The following CEP128 variants were observed in gnomAD, a reference collection of about 807,000 sequenced individuals.
CEP128 encodes centrosomal protein 128.
A neutral mutation model predicts 156.7 loss-of-function variants in CEP128; 132 were observed. That is an observed-to-expected ratio of 0.84 (90% CI 0.73 to 0.97). CEP128 has a LOEUF of 0.97. Ranked by LOEUF, CEP128 falls within the 50% of genes least tolerant of loss-of-function variation. The pLI, the probability that CEP128 is intolerant of heterozygous loss-of-function variation, is 0.00. For missense variants in CEP128, 1,252 were observed against 1,281.9 expected (o/e 0.98, Z 0.36); for synonymous variants, 469 against 448.9 (o/e 1.04, Z -0.57).
At chr14:80,509,364 C>CA (rs1217210127) in intron 23 of CEP128, among the ~76,000 whole-genome samples, 1 of 152,184 alleles carries the variant, frequency 6.6e-6, no homozygotes, top group Non-Finnish European at 1.5e-5. Flanking sequence ...GATGATATCT[C>CA]AGAGTTGTGA....
chr14:80,691,076 C>T (rs1231811020), intron 19 of CEP128, among the ~76,000 whole-genome samples: 1 of 152,150 alleles, frequency 6.6e-6, no homozygotes, highest in East Asian at 1.9e-4. Context: ...TTAGCACATG[C>T]ATTGTAACCT....
At chr14:80,692,644 C>T (rs1174908867) in intron 19 of CEP128, among the ~76,000 whole-genome samples, 1 of 152,132 alleles carries the variant, frequency 6.6e-6, no homozygotes, top group Non-Finnish European at 1.5e-5. Context: ...CAGCCAACAA[C>T]AAATTTTATT....
intron 19 of CEP128, among the ~76,000 whole-genome samples, chr14:80,616,720 A>C (rs1213533109): frequency 6.6e-6 from 1 of 152,182 alleles, no homozygotes; most frequent in Non-Finnish European, 1.5e-5. Flanking sequence ...TACTATACGG[A>C]GTCTCAATCC....
chr14:80,700,370 C>T (rs957498629), intron 19 of CEP128, among the ~76,000 whole-genome samples: 7 of 151,990 alleles, frequency 4.6e-5, no homozygotes, highest in Admixed American at 1.3e-4. Flanking sequence ...GAAAGACTCA[C>T]GGTTCCTGCA....
intron 13 of CEP128, among the ~76,000 whole-genome samples, chr14:80,806,484 G>C (rs561137352): frequency 2.0e-5 from 3 of 152,092 alleles, no homozygotes; most frequent in Admixed American, 6.5e-5. Flanking sequence ...TCTGACCCTG[G>C]AACACATATC....
chr14:80,599,435 G>A (rs1892489292), intron 19 of CEP128, among the ~76,000 whole-genome samples: 1 of 151,710 alleles, frequency 6.6e-6, no homozygotes, highest in Non-Finnish European at 1.5e-5. Flanking sequence ...ACCACGCCCG[G>A]CTAATTTTTT....
chr14:80,533,647 T>A (rs1047332944), intron 21 of CEP128, among the ~76,000 whole-genome samples: 1 of 151,696 alleles, frequency 6.6e-6, no homozygotes, highest in African/African-American at 2.4e-5. Flanking sequence ...AGTGCAGTTA[T>A]TTTTATTCTC....
At chr14:80,514,869 G>T (rs1594935375) in intron 23 of CEP128, among the ~76,000 whole-genome samples, 1 of 152,108 alleles carries the variant, frequency 6.6e-6, no homozygotes, top group Non-Finnish European at 1.5e-5. Flanking sequence ...TTCTGAGAAG[G>T]GTTTCCAAGT....
intron 19 of CEP128, among the ~76,000 whole-genome samples, chr14:80,736,385 T>C (rs768744368): frequency 1.3e-5 from 2 of 152,180 alleles, no homozygotes; most frequent in Non-Finnish European, 2.9e-5. Context: ...AGTGTGCTCA[T>C]GATTCAAGTT....
At chr14:80,818,752 A>G (rs1885002271) in intron 13 of CEP128, among the ~76,000 whole-genome samples, 1 of 152,272 alleles carries the variant, frequency 6.6e-6, no homozygotes, top group Admixed American at 6.5e-5. Flanking sequence ...TAGAAGGAAC[A>G]AACAAATATA....
At chr14:80,677,569 T>C (rs1896115220) in intron 19 of CEP128, among the ~76,000 whole-genome samples, 1 of 140,002 alleles carries the variant, frequency 7.1e-6, no homozygotes, top group Non-Finnish European at 1.6e-5. Flanking sequence ...TAATAGAATA[T>C]AGTAAAGTTT....
chr14:80,623,336 C>T (rs952220111), intron 19 of CEP128, among the ~76,000 whole-genome samples: 15 of 151,228 alleles, frequency 9.9e-5, no homozygotes, highest in Non-Finnish European at 2.1e-4. Context: ...GGAGGGATAG[C>T]ATTGGGAGAT....
In CEP128 at chr14:80,785,034, T is replaced by A; in HGVS notation, c.2072A>T (p.Asp691Val). Residue 691 changes from aspartate to valine, a missense_variant, in exon 15 of 25, where the codon GAT becomes GTT. Transcript: ENST00000555265. Reference sequence around the variant, plus strand: ...ATCTTTCAGCTCCCTCTGGTGCACATCTCGTTCCAGCTTTAACTGTGTGAT... The same window carrying A: ...ATCTTTCAGCTCCCTCTGGTGCACAACTCGTTCCAGCTTTAACTGTGTGAT... ...TIITQLKLER[D>V]VHQRELKDLT... 1 of 1,614,190 alleles carries A rather than the reference T, an allele frequency of 6.2e-7. No homozygotes were observed. Among genetic ancestry groups the A allele is most frequent in the South Asian group, 1.1e-5 (1 of 91,082 alleles).
chr14:80,772,204 C>T (rs1336721157), intron 16 of CEP128, among the ~76,000 whole-genome samples: 1 of 152,072 alleles, frequency 6.6e-6, no homozygotes, highest in Non-Finnish European at 1.5e-5. Context: ...TGCCTTTTGG[C>T]CCACCCATCC....
At chr14:80,938,205 T>C (rs1885929710) in intron 2 of CEP128, among the ~76,000 whole-genome samples, 1 of 151,498 alleles carries the variant, frequency 6.6e-6, no homozygotes, top group African/African-American at 2.4e-5. Context: ...CCTAATCCTA[T>C]AAATTTTGTA....
chr14:80,694,917 TAA>T (rs778911406), intron 19 of CEP128, among the ~76,000 whole-genome samples: 3 of 131,012 alleles, frequency 2.3e-5, no homozygotes, highest in Admixed American at 7.6e-5. Context: ...AAAGTAAAAT[TAA>T]AAAAAAAAAA....
At chr14:80,745,328 G>C (rs1899043803) in intron 18 of CEP128, among the ~76,000 whole-genome samples, 1 of 152,124 alleles carries the variant, frequency 6.6e-6, no homozygotes, top group Admixed American at 6.6e-5. Context: ...CTATAGAACT[G>C]TGTGTCAATT....
chr14:80,680,597 T>G (rs998988167), intron 19 of CEP128, among the ~76,000 whole-genome samples: 5 of 152,144 alleles, frequency 3.3e-5, no homozygotes, highest in Non-Finnish European at 5.9e-5. Context: ...TGAACTGTCC[T>G]ACCCACACTG....
chr14:80,912,663 T>C (rs1282950426), intron 4 of CEP128, among the ~76,000 whole-genome samples: 1 of 152,176 alleles, frequency 6.6e-6, no homozygotes, highest in Non-Finnish European at 1.5e-5. Context: ...AAACTCATTT[T>C]CTAAATAAAA....
Sources: gnomAD v4.1 joint callset for allele counts (sites outside exome capture counted in the v4.1 genomes callset) on GRCh38, gnomAD v4.1.1 for gene constraint, MANE v1.5 for transcripts, NCBI Gene and HGNC (gene_info 2026-07-23, HGNC 2026-07-21) for gene names.